Variants in COL21A1 observed in about 807,000 individuals in gnomAD.
COL21A1 encodes collagen type XXI alpha 1 chain.
In COL21A1, 149 loss-of-function variants were observed where a neutral mutation model predicts 137.9. The observed-to-expected ratio is 1.08, with a 90% CI of 0.95 to 1.24. COL21A1 has a LOEUF of 1.24. Among genes scored for constraint, COL21A1 ranks in the 50% most tolerant of loss-of-function variants. COL21A1 has a pLI of 0.00. For missense variants in COL21A1, 1,167 were observed against 1,158.4 expected, an observed-to-expected ratio of 1.01 and a Z score of -0.11; for synonymous variants, 456 against 391.5, an observed-to-expected ratio of 1.16 and a Z score of -1.95.
intron 1 of COL21A1, among the ~76,000 whole-genome samples, chr6:56,349,256 C>T (rs187491954): frequency 4.2e-4 from 64 of 151,318 alleles, no homozygotes; most frequent in African/African-American, 1.5e-3. Context: ...TGAAGTAAAA[C>T]GGATTGAGGT....
intron 1 of COL21A1, among the ~76,000 whole-genome samples, chr6:56,296,413 T>G (rs1764164950): frequency 6.6e-6 from 1 of 151,998 alleles, no homozygotes; most frequent in Non-Finnish European, 1.5e-5. Context: ...TAAACTATTG[T>G]ATCTACTAAT....
intron 1 of COL21A1, among the ~76,000 whole-genome samples, chr6:56,257,019 G>T (rs1042869281): frequency 1.3e-5 from 2 of 152,080 alleles, no homozygotes; most frequent in African/African-American, 4.8e-5. Context: ...TATAAAGAAA[G>T]ATTTCTCCAT....
At chr6:56,093,478 G>C (rs1436189195) in intron 17 of COL21A1, among the ~76,000 whole-genome samples, 5 of 151,974 alleles carry the variant, frequency 3.3e-5, no homozygotes, top group African/African-American at 1.2e-4. Context: ...ACGATGTTAA[G>C]ACAGGCAAAG....
chr6:56,070,102 T>C (rs1160619964), intron 21 of COL21A1, among the ~76,000 whole-genome samples: 5 of 151,560 alleles, frequency 3.3e-5, no homozygotes, highest in African/African-American at 4.8e-5. Context: ...TAGGATATAT[T>C]TGTAAGAGAT....
chr6:56,375,209 T>C (rs1314085715), intron 1 of COL21A1, among the ~76,000 whole-genome samples: 1 of 152,126 alleles, frequency 6.6e-6, no homozygotes, highest in Non-Finnish European at 1.5e-5. Context: ...CTAGTATAAA[T>C]AGTAACAGCT....
intron 3 of COL21A1, among the ~76,000 whole-genome samples, chr6:56,175,962 C>T (rs1272080075): frequency 6.6e-6 from 1 of 151,984 alleles, no homozygotes; most frequent in African/African-American, 2.4e-5. Flanking sequence ...AATAGAGAGC[C>T]CAGAAAACAC....
chr6:56,306,684 C>T (rs1284345174), intron 1 of COL21A1, among the ~76,000 whole-genome samples: 1 of 152,064 alleles, frequency 6.6e-6, no homozygotes, highest in African/African-American at 2.4e-5. Flanking sequence ...GAACTTCCTC[C>T]TTTAGCTCAG....
chr6:56,222,206 G>A (rs1163762753), intron 1 of COL21A1, among the ~76,000 whole-genome samples: 1 of 152,090 alleles, frequency 6.6e-6, no homozygotes, highest in Non-Finnish European at 1.5e-5. Context: ...CCAGGAGGTG[G>A]AGGTTGCAGT....
At chr6:56,072,301 T>C (rs116311579) in intron 20 of COL21A1, among the ~76,000 whole-genome samples, 140 of 151,730 alleles carry the variant, frequency 9.2e-4, no homozygotes, top group African/African-American at 3.3e-3. Context: ...GAATGATTTA[T>C]ATTCCTTTGG....
intron 1 of COL21A1, among the ~76,000 whole-genome samples, chr6:56,372,493 G>T (rs1001657643): frequency 1.3e-5 from 2 of 152,096 alleles, no homozygotes; most frequent in Non-Finnish European, 2.9e-5. Flanking sequence ...CTGTAAAAAT[G>T]CCCCAATAAA....
chr6:56,098,664 T>A (rs375771274), intron 17 of COL21A1, among the ~76,000 whole-genome samples: 2,180 of 24,506 alleles, frequency 0.089, 843 homozygotes, highest in East Asian at 0.19. Context: ...TAAATATATA[T>A]AAATATATAT....
intron 1 of COL21A1, among the ~76,000 whole-genome samples, chr6:56,194,295 A>T (rs1343900436): frequency 6.6e-6 from 1 of 152,220 alleles, no homozygotes; most frequent in Non-Finnish European, 1.5e-5. Flanking sequence ...TCATATTATT[A>T]CCATGTTATT....
chr6:56,268,029 C>T (rs1763434628), intron 1 of COL21A1, among the ~76,000 whole-genome samples: 1 of 152,156 alleles, frequency 6.6e-6, no homozygotes, highest in Non-Finnish European at 1.5e-5. Flanking sequence ...GGAGCTAGAT[C>T]CCAAGGGTCT....
chr6:56,189,907 A>T (rs982453730), intron 1 of COL21A1, among the ~76,000 whole-genome samples: 1 of 152,230 alleles, frequency 6.6e-6, no homozygotes, highest in African/African-American at 2.4e-5. Flanking sequence ...TCCTTTAGAG[A>T]CAAGCAAATG....
At chr6:56,343,467 C>T (rs1256359688) in intron 1 of COL21A1, among the ~76,000 whole-genome samples, 5 of 152,170 alleles carry the variant, frequency 3.3e-5, no homozygotes, top group African/African-American at 1.2e-4. Context: ...CTGTCAACTT[C>T]CATCATAATT....
At position 56,343,098 on chromosome 6, in the gene COL21A1, A is replaced by G. The variant is rs140124245; in HGVS notation, c.-39+50873T>C. Reference sequence around the variant, plus strand: ...TTCTCAAGACAGTCCCAGGAAAATGATGTTTGCATTCCTGGGGACCCATCT... The same window carrying G: ...TTCTCAAGACAGTCCCAGGAAAATGGTGTTTGCATTCCTGGGGACCCATCT... On this transcript the variant is annotated intron_variant, in intron 1 of 28. Coordinates refer to the COL21A1 transcript ENST00000370819. 3.3e-5 allele frequency among the ~76,000 whole-genome samples: 5 copies of G among 152,296 alleles called. No individual in the cohort carries two copies. The East Asian group carries it at 9.6e-4, about 29-fold the overall frequency.
intron 1 of COL21A1, among the ~76,000 whole-genome samples, chr6:56,201,859 A>G (rs574525898): frequency 7.9e-5 from 12 of 152,170 alleles, no homozygotes; most frequent in African/African-American, 2.9e-4. Context: ...CCCACTATTT[A>G]ACTGTTACAT....
intron 12 of COL21A1, among the ~76,000 whole-genome samples, chr6:56,134,509 T>C (rs1773830006): frequency 6.6e-6 from 1 of 152,214 alleles, no homozygotes; most frequent in Admixed American, 6.5e-5. Flanking sequence ...GCTGAAATGA[T>C]TTAAGACTTT....
chr6:56,335,297 C>G (rs1488319177), intron 1 of COL21A1, among the ~76,000 whole-genome samples: 1 of 152,102 alleles, frequency 6.6e-6, no homozygotes, highest in Non-Finnish European at 1.5e-5. Flanking sequence ...TCACTCACAA[C>G]CTGCAGCAAG....
Sources: gnomAD v4.1 joint callset for allele counts (sites outside exome capture counted in the v4.1 genomes callset) on GRCh38, gnomAD v4.1.1 for gene constraint, MANE v1.5 for transcripts, NCBI Gene and HGNC (gene_info 2026-07-23, HGNC 2026-07-21) for gene names.